The following AJAP1 variants were observed in gnomAD, a reference collection of about 807,000 sequenced individuals.
The protein encoded by AJAP1 is adherens junctions associated protein 1.
AJAP1 carries 5 observed loss-of-function variants against 35.0 expected under a neutral mutation model. That is an observed-to-expected ratio of 0.14 (90% CI 0.07 to 0.30). AJAP1 has a LOEUF of 0.30. AJAP1 is among the 10% of genes least tolerant of loss of function. AJAP1 has a pLI of 1.00. For synonymous variants in AJAP1, 284 were observed against 249.3 expected (o/e 1.14, Z -1.31); for missense variants, 586 against 571.0 (o/e 1.03, Z -0.27).
chr1:4,778,726 T>C (rs551163096), intron 5 of AJAP1, among the ~76,000 whole-genome samples: 9 of 152,280 alleles, frequency 5.9e-5, no homozygotes, highest in Admixed American at 2.0e-4. Context: ...TAGCCGGGGA[T>C]GTCTGGCATA....
At chr1:4,662,311 T>A (rs1189667522) in intron 1 of AJAP1, among the ~76,000 whole-genome samples, 1 of 152,222 alleles carries the variant, frequency 6.6e-6, no homozygotes, top group Admixed American at 6.5e-5. Flanking sequence ...TTGCCCATCC[T>A]CACTATTCCT....
chr1:4,715,579 G>A (rs763865495), intron 2 of AJAP1, among the ~76,000 whole-genome samples: 10 of 152,208 alleles, frequency 6.6e-5, no homozygotes, highest in Non-Finnish European at 7.3e-5. Context: ...TAGCTACTAC[G>A]GAGGTTGAGG....
chr1:4,763,740 A>C, intron 2 of AJAP1, among the ~76,000 whole-genome samples: 3 of 140,776 alleles, frequency 2.1e-5, no homozygotes, highest in South Asian at 2.4e-4. Flanking sequence ...CTCTTTCTCT[A>C]CGCCCTTTCT....
At chr1:4,699,416 A>C (rs1639938501) in intron 1 of AJAP1, among the ~76,000 whole-genome samples, 1 of 152,236 alleles carries the variant, frequency 6.6e-6, no homozygotes, top group Non-Finnish European at 1.5e-5. Flanking sequence ...AAATACCAAC[A>C]TAACAATTGC....
At chr1:4,667,635 T>C (rs1369763085) in intron 1 of AJAP1, among the ~76,000 whole-genome samples, 1 of 152,180 alleles carries the variant, frequency 6.6e-6, no homozygotes, top group African/African-American at 2.4e-5. Flanking sequence ...GGAGCTCAGA[T>C]GGTGATGCTG....
chr1:4,712,004 G>A lies in AJAP1; in HGVS notation c.134G>A (p.Gly45Asp). 6.3e-7 allele frequency: 1 copy of A among 1,594,942 alleles called. No homozygotes were observed. ...AVDLPACEAL[G>D]PGPEFWLLPR... is the part of the protein sequence containing the mutation. ...GACCTGCCCGCCTGTGAGGCCCTGG[G>A]CCCGGGGCCGGAGTTCTGGCTCCTG... Residue 45 changes from glycine (G) to aspartate (D), a missense_variant, in exon 2 of 6, where the codon GGC becomes GAC. Transcript: ENST00000378191.
intron 1 of AJAP1, among the ~76,000 whole-genome samples, chr1:4,710,750 T>A (rs2100263124): frequency 6.6e-6 from 1 of 152,360 alleles, no homozygotes; most frequent in Admixed American, 6.5e-5. Context: ...ACACCTATAA[T>A]CAGTCTTCAA....
chr1:4,779,315 G>A (rs1642015379), intron 5 of AJAP1, among the ~76,000 whole-genome samples: 1 of 152,070 alleles, frequency 6.6e-6, no homozygotes, highest in Non-Finnish European at 1.5e-5. Context: ...GGGAAGTGCA[G>A]GAGGCTTTTT....
At chr1:4,729,929 T>C (rs1051578193) in intron 2 of AJAP1, among the ~76,000 whole-genome samples, 5 of 152,192 alleles carry the variant, frequency 3.3e-5, no homozygotes, top group African/African-American at 1.2e-4. Context: ...GTGAGGACGT[T>C]AGCATCTTTT....
chr1:4,713,228 A>G lies in AJAP1; in HGVS notation c.829+529A>G, dbSNP rs1417913140. ...GGTAGAGGATTAGGAATGGCCTTAAATAGCAAGAAAGGCCGAGGCTGGGTA... is the reference window on the plus strand; with the variant it reads ...GGTAGAGGATTAGGAATGGCCTTAAGTAGCAAGAAAGGCCGAGGCTGGGTA... On this transcript the variant is annotated intron_variant, in intron 2 of 5. Coordinates refer to ENST00000378191, the MANE Select transcript of AJAP1 (RefSeq NM_018836.4). Among the ~76,000 whole-genome samples the G allele has an allele frequency of 2.6e-5, 4 of 152,240 alleles. No individual in the cohort carries two copies. The South Asian group carries it at 8.3e-4, about 31-fold the overall frequency.
Position 4,656,493 on chromosome 1 carries a change from A to G in AJAP1, c.29+1039A>G, listed in dbSNP as rs183227855. On this transcript the variant is annotated intron_variant, in intron 1 of 5. Transcript: ENST00000378191. This position sits in a 1 kb window ranked among gnomAD's most constrained non-coding sequence, Gnocchi z 5.7. ...GATGCACTGCGCTCCCGCGTTGGGG[A>G]CGAAAAGGCCAGTAGTTGTTAGCCC... 3.9e-5 allele frequency among the ~76,000 whole-genome samples: 6 copies of G among 152,222 alleles called. No homozygotes were observed. The highest frequency in any genetic ancestry group is 1.4e-4 in the African/African-American group (6 of 41,532).
At chr1:4,761,527 G>A (rs1442637900) in intron 2 of AJAP1, among the ~76,000 whole-genome samples, 1 of 152,180 alleles carries the variant, frequency 6.6e-6, no homozygotes, top group Admixed American at 6.5e-5. Flanking sequence ...CATGGCCATT[G>A]GCCATCGGCC....
chr1:4,781,953 G>A (rs1450112932), intron 5 of AJAP1, among the ~76,000 whole-genome samples: 3 of 152,194 alleles, frequency 2.0e-5, no homozygotes, highest in East Asian at 3.9e-4. Context: ...GGTGGGACTC[G>A]CCTTCTCTCT....
At chr1:4,680,121 C>T (rs1639450942) in intron 1 of AJAP1, among the ~76,000 whole-genome samples, 1 of 152,150 alleles carries the variant, frequency 6.6e-6, no homozygotes, top group African/African-American at 2.4e-5. Flanking sequence ...AGAGAGTGTT[C>T]CCTCTCTGTC....
chr1:4,666,962 T>TGG (rs1639141866), intron 1 of AJAP1, among the ~76,000 whole-genome samples: 2 of 145,288 alleles, frequency 1.4e-5, no homozygotes, highest in Admixed American at 6.8e-5. Flanking sequence ...CACGGAGGGG[T>TGG]TGCAGAGAGG....
chr1:4,769,638 C>G (rs949044865), intron 2 of AJAP1, among the ~76,000 whole-genome samples: 7 of 152,166 alleles, frequency 4.6e-5, no homozygotes, highest in Non-Finnish European at 8.8e-5. Context: ...GGAGCTCCCC[C>G]TTCCTGGACC....
intron 2 of AJAP1, among the ~76,000 whole-genome samples, chr1:4,755,245 T>G (rs920333521): frequency 1.3e-5 from 2 of 152,234 alleles, no homozygotes; most frequent in Non-Finnish European, 2.9e-5. Context: ...CAGCTGTTAC[T>G]GAATTTAACA....
intron 1 of AJAP1, among the ~76,000 whole-genome samples, chr1:4,669,737 C>A (rs1639211059): frequency 6.6e-6 from 1 of 152,168 alleles, no homozygotes; most frequent in South Asian, 2.1e-4. Flanking sequence ...TTGTAGCGTG[C>A]ATCAGTACTT....
intron 2 of AJAP1, among the ~76,000 whole-genome samples, chr1:4,744,057 G>A (rs1329928705): frequency 1.3e-5 from 2 of 152,188 alleles, no homozygotes; most frequent in Non-Finnish European, 2.9e-5. Context: ...GTCATGGGAC[G>A]AGAGTGGGAC....
Sources: allele counts gnomAD v4.1 joint callset (sites outside exome capture counted in the v4.1 genomes callset), GRCh38; gene constraint gnomAD v4.1.1; non-coding constraint Gnocchi (gnomAD v3.1); transcripts MANE v1.5; gene names NCBI Gene and HGNC (gene_info 2026-07-23, HGNC 2026-07-21).